KCNMA1: variants seen among roughly 807,000 people sequenced by gnomAD.
KCNMA1 encodes potassium calcium-activated channel subfamily M alpha 1.
In KCNMA1, 29 loss-of-function variants were observed where a neutral mutation model predicts 140.0. That is an observed-to-expected ratio of 0.21 (90% confidence interval 0.15 to 0.28). The LOEUF (loss-of-function observed/expected upper bound fraction) is 0.28. Among genes scored for constraint, KCNMA1 ranks in the 10% least tolerant of loss-of-function variants. The pLI, the probability that KCNMA1 is intolerant of heterozygous loss-of-function variation, is 1.00. For synonymous variants in KCNMA1, 612 were observed against 611.9 expected, an observed-to-expected ratio of 1.00 and a Z score of 0.00; for missense variants, 880 against 1,602.2, an observed-to-expected ratio of 0.55 and a Z score of 7.70.
chr10:77,027,682 G>T, intron 16 of KCNMA1, 141 bp downstream of exon 16: 1 of 778,142 alleles, frequency 1.3e-6, no homozygotes, highest in South Asian at 1.4e-5. Flanking sequence ...GCCTCGAAAT[G>T]TGCTCTAGGG....
intron 3 of KCNMA1, among the ~76,000 whole-genome samples, chr10:77,198,594 T>TA (rs1565161143): frequency 2.0e-5 from 3 of 147,020 alleles, no homozygotes; most frequent in Admixed American, 6.8e-5. Context: ...TATATATATA[T>TA]TTCTTAACAT....
chr10:77,623,998 C>A (rs188170215), intron 1 of KCNMA1, among the ~76,000 whole-genome samples: 1 of 152,148 alleles, frequency 6.6e-6, no homozygotes, highest in South Asian at 2.1e-4. Flanking sequence ...TGGCTGCTTA[C>A]GGTTCAGGGG....
At chr10:77,203,816 G>C (rs1172703526) in intron 3 of KCNMA1, among the ~76,000 whole-genome samples, 2 of 152,100 alleles carry the variant, frequency 1.3e-5, no homozygotes, top group Admixed American at 1.3e-4. Context: ...CTTAAATTAG[G>C]CTAGGCGTGA....
chr10:77,314,727 C>T (rs1746872845), intron 2 of KCNMA1, among the ~76,000 whole-genome samples: 1 of 152,132 alleles, frequency 6.6e-6, no homozygotes, highest in Non-Finnish European at 1.5e-5. Flanking sequence ...CTGGTGCTCA[C>T]CAACTCTCTT....
At chr10:77,550,597 C>G (rs1261118340) in intron 1 of KCNMA1, among the ~76,000 whole-genome samples, 1 of 152,222 alleles carries the variant, frequency 6.6e-6, no homozygotes, top group Non-Finnish European at 1.5e-5. Context: ...CATTCTGGAG[C>G]AGGCGTCTCG....
chr10:77,614,821 C>A lies in KCNMA1; in HGVS notation c.378+22444G>T, dbSNP rs73293853. ...AGCCCCAGCTCAGCTTGGGCTCCCC[C>A]AAGCAAGCACCACATGACTGACACT... On this transcript the variant is annotated intron_variant, in intron 1 of 27. Coordinates refer to ENST00000286628, the MANE Select transcript of KCNMA1 (RefSeq NM_001161352.2). Among the ~76,000 whole-genome samples, 3 of 152,346 alleles carry A rather than the reference C, an allele frequency of 2.0e-5. No homozygotes were observed. In the East Asian group the frequency reaches 5.8e-4, roughly 29 times the overall value.
intron 1 of KCNMA1, among the ~76,000 whole-genome samples, chr10:77,518,543 G>A (rs1051756381): frequency 1.3e-5 from 2 of 152,188 alleles, no homozygotes. Context: ...CTAGGAGCAC[G>A]TGTTAGTACT....
intron 3 of KCNMA1, among the ~76,000 whole-genome samples, chr10:77,218,451 A>G (rs1258148177): frequency 6.6e-6 from 1 of 152,154 alleles, no homozygotes; most frequent in African/African-American, 2.4e-5. Flanking sequence ...AGCTGGGTAG[A>G]TGCTCCTGAA....
At chr10:77,017,987 G>A (rs1206135929) in intron 17 of KCNMA1, among the ~76,000 whole-genome samples, 1 of 152,166 alleles carries the variant, frequency 6.6e-6, no homozygotes, top group Non-Finnish European at 1.5e-5. Flanking sequence ...TTGGTAGAAA[G>A]AGAGTGGATT....
At chr10:77,554,526 C>T (rs988466762) in intron 1 of KCNMA1, among the ~76,000 whole-genome samples, 6 of 138,708 alleles carry the variant, frequency 4.3e-5, no homozygotes, top group Non-Finnish European at 7.5e-5. Flanking sequence ...GAACCTGGGA[C>T]GCAGAGGTTG....
intron 5 of KCNMA1, among the ~76,000 whole-genome samples, chr10:77,134,314 A>G (rs900241873): frequency 6.6e-6 from 1 of 152,170 alleles, no homozygotes; most frequent in Non-Finnish European, 1.5e-5. Flanking sequence ...TACAATAAGG[A>G]TAAATTCTTT....
intron 5 of KCNMA1, among the ~76,000 whole-genome samples, chr10:77,157,229 C>T (rs1205858392): frequency 1.3e-5 from 2 of 152,092 alleles, no homozygotes; most frequent in Non-Finnish European, 2.9e-5. Context: ...GTCCCGAGGT[C>T]AGGAATTCAA....
intron 2 of KCNMA1, among the ~76,000 whole-genome samples, chr10:77,330,108 C>T (rs569194142): frequency 2.8e-4 from 42 of 152,278 alleles, no homozygotes; most frequent in Non-Finnish European, 5.3e-4. Context: ...TATCCTCTGC[C>T]TGAGAAAACT....
intron 2 of KCNMA1, among the ~76,000 whole-genome samples, chr10:77,291,730 T>TCC (rs2073329422): frequency 6.6e-6 from 1 of 152,192 alleles, no homozygotes; most frequent in South Asian, 2.1e-4. Context: ...TTTCCCAGCG[T>TCC]CTGGGGGAAA....
chr10:77,413,837 C>A (rs1287042432), intron 1 of KCNMA1, among the ~76,000 whole-genome samples: 1 of 152,186 alleles, frequency 6.6e-6, no homozygotes, highest in Admixed American at 6.5e-5. Context: ...AGGGAAGGGA[C>A]ACACTGTCCA....
intron 1 of KCNMA1, among the ~76,000 whole-genome samples, chr10:77,459,802 T>G (rs376347195): frequency 3.3e-5 from 5 of 152,342 alleles, no homozygotes; most frequent in Admixed American, 6.5e-5. Context: ...ATGTCTCATC[T>G]CCTCCTTCCT....
At chr10:76,964,460 G>A (rs2073059366) in intron 20 of KCNMA1, among the ~76,000 whole-genome samples, 1 of 152,134 alleles carries the variant, frequency 6.6e-6, no homozygotes, top group Non-Finnish European at 1.5e-5. Flanking sequence ...TGCTGAGCAT[G>A]AACTTGTCCA....
intron 15 of KCNMA1, among the ~76,000 whole-genome samples, chr10:77,036,160 C>T (rs1225412767): frequency 6.6e-6 from 1 of 152,218 alleles, no homozygotes; most frequent in Admixed American, 6.5e-5. Flanking sequence ...ACATCACACT[C>T]CAAGTTCCTC....
intron 20 of KCNMA1, among the ~76,000 whole-genome samples, chr10:76,955,857 C>A (rs770126593): frequency 3.3e-5 from 5 of 152,042 alleles, no homozygotes; most frequent in Non-Finnish European, 7.4e-5. Context: ...TAACTCTTTC[C>A]AGCCCATGAA....
Sources: gnomAD v4.1 joint callset for allele counts (sites outside exome capture counted in the v4.1 genomes callset) on GRCh38, gnomAD v4.1.1 for gene constraint, MANE v1.5 for transcripts, NCBI Gene and HGNC (gene_info 2026-07-23, HGNC 2026-07-21) for gene names.